The following EPAS1 variants were observed in gnomAD, a reference collection of about 807,000 sequenced individuals.
The protein encoded by EPAS1 is endothelial PAS domain protein 1, also known as endothelial PAS domain-containing protein 1.
Under a neutral mutation model 87.9 loss-of-function variants are expected in EPAS1, and 23 were observed. That is an observed-to-expected ratio of 0.26 (90% CI 0.19 to 0.37). The LOEUF (loss-of-function observed/expected upper bound fraction) is 0.37, where lower values mean the gene tolerates loss of function less well. EPAS1 is among the 10% of genes least tolerant of loss of function. The pLI is 1.00. For synonymous variants in EPAS1, 508 were observed against 444.3 expected (o/e 1.14, Z -1.80); for missense variants, 1,138 against 1,120.7 (o/e 1.02, Z -0.22).
chr2:46,297,916 C>T lies in EPAS1; in HGVS notation c.5C>T (p.Thr2Ile), dbSNP rs2104831352. M[T>I]ADKEKKRSSS... ...TCTCAAAGGGCCACAGCGACAATGA[C>T]AGCTGACAAGGAGAAGAAAAGGTAA... Residue 2 changes from threonine (T) to isoleucine (I), a missense_variant, in exon 1 of 16, where the codon ACA becomes ATA. Thr to Ile is a moderately conservative substitution (Grantham distance 89). Coordinates refer to ENST00000263734, the MANE Select transcript of EPAS1 (RefSeq NM_001430.5). The T allele has an allele frequency of 6.2e-7, 1 of 1,612,448 alleles. No individual in the cohort carries two copies. The highest frequency in any genetic ancestry group is 2.2e-5 in the East Asian group (1 of 44,818).
In EPAS1 at chr2:46,384,731, T is replaced by G. The variant is rs1447183920; in HGVS notation, c.*71T>G. On this transcript the variant is annotated 3_prime_UTR_variant, in exon 16 of 16. Transcript: ENST00000263734. Reference sequence around the variant, plus strand: ...CAGCTTCACTCTCTCCGTCTGTTTTTGCAACTAGGTATTTCTAACGCCAGC... The same window carrying G: ...CAGCTTCACTCTCTCCGTCTGTTTTGGCAACTAGGTATTTCTAACGCCAGC... 1.9e-6 allele frequency: 3 copies of G among 1,569,530 alleles called. No homozygotes were observed. Among genetic ancestry groups the G allele is most frequent in the Non-Finnish European group, 2.6e-6 (3 of 1,158,108 alleles).
At chr2:46,382,827 A>C (rs11690951) in intron 15 of EPAS1, among the ~76,000 whole-genome samples, 2 of 151,660 alleles carry the variant, frequency 1.3e-5, no homozygotes, top group Non-Finnish European at 2.9e-5. Context: ...CAGCTAAAAA[A>C]CTCAAACTCA....
intron 1 of EPAS1, among the ~76,000 whole-genome samples, chr2:46,322,007 TG>T (rs1683463641): frequency 6.6e-6 from 1 of 152,182 alleles, no homozygotes; most frequent in South Asian, 2.1e-4. Flanking sequence ...GGATCTATCC[TG>T]TATAATCCCT....
At chr2:46,333,100 G>A (rs1683720715) in intron 1 of EPAS1, among the ~76,000 whole-genome samples, 1 of 152,136 alleles carries the variant, frequency 6.6e-6, no homozygotes, top group Admixed American at 6.5e-5. Context: ...GAGGAGTCAT[G>A]GGGTGTTAAG....
At chr2:46,377,299 C>T (rs1473147561) in intron 9 of EPAS1, among the ~76,000 whole-genome samples, 2 of 152,198 alleles carry the variant, frequency 1.3e-5, no homozygotes, top group African/African-American at 2.4e-5. Context: ...CTGGGGACCC[C>T]GGCAGGGTTT....
rs1684362201 is a variant in EPAS1, at chr2:46,360,407, C to T, written c.455-231C>T. Among the ~76,000 whole-genome samples, 1 of 152,224 alleles carries T rather than the reference C, an allele frequency of 6.6e-6. No individual in the cohort carries two copies. The highest frequency in any genetic ancestry group is 1.5e-5 in the Non-Finnish European group (1 of 68,038). On this transcript the variant is annotated intron_variant, in intron 4 of 15. Transcript: ENST00000263734. This position sits in a 1 kb window ranked among gnomAD's most constrained non-coding sequence, Gnocchi z 4.5. ...GGGAAATCAAATGATGGAGCAGCTCCTCCCTTGTGGGAGTTTATGCTCCAG... is the reference window on the plus strand; with the variant it reads ...GGGAAATCAAATGATGGAGCAGCTCTTCCCTTGTGGGAGTTTATGCTCCAG...
At position 46,346,011 on chromosome 2, in the gene EPAS1, G is replaced by A. The variant is rs1684016440; in HGVS notation, c.27-862G>A. On this transcript the variant is annotated intron_variant, in intron 1 of 15. Coordinates refer to ENST00000263734, the MANE Select transcript of EPAS1 (RefSeq NM_001430.5). This position sits in a 1 kb window ranked among gnomAD's most constrained non-coding sequence, Gnocchi z 4.0. ...AAGCAGTTTAAATGATTTATTTACAGAGCTAACAAGCAGAGAAGTTAGAAC... is the reference window on the plus strand; with the variant it reads ...AAGCAGTTTAAATGATTTATTTACAAAGCTAACAAGCAGAGAAGTTAGAAC... Among the ~76,000 whole-genome samples, 1 of 152,198 alleles carries A rather than the reference G, an allele frequency of 6.6e-6. No individual in the cohort carries two copies. Among genetic ancestry groups the A allele is most frequent in the African/African-American group, 2.4e-5 (1 of 41,448 alleles).
At chr2:46,320,599 G>C (rs2104848993) in intron 1 of EPAS1, among the ~76,000 whole-genome samples, 1 of 152,324 alleles carries the variant, frequency 6.6e-6, no homozygotes, top group South Asian at 2.1e-4. Context: ...GAACACACTG[G>C]ACAGCCAGAG....
At position 46,380,548 on chromosome 2, in the gene EPAS1, A is replaced by G. The variant is rs773614780; in HGVS notation, c.1876A>G (p.Thr626Ala). 3 of 1,613,814 alleles carry G rather than the reference A, an allele frequency of 1.9e-6. No individual in the cohort carries two copies. In the South Asian group the frequency reaches 3.3e-5, roughly 18 times the overall value. ...GCCACCGTGCTGTGGCCAGGCCAGCACCCCTCTCTCTTCCATGGGGGGCAG... is the reference window on the plus strand; with the variant it reads ...GCCACCGTGCTGTGGCCAGGCCAGCGCCCCTCTCTCTTCCATGGGGGGCAG... ...SLPPCCGQASTPLSSMGGRSN... is the reference protein window; with the variant it reads ...SLPPCCGQASAPLSSMGGRSN... Residue 626 changes from threonine to alanine, a missense_variant, in exon 12 of 16, where the codon ACC becomes GCC. Coordinates refer to ENST00000263734, the MANE Select transcript of EPAS1 (RefSeq NM_001430.5). This position sits in a 1 kb window ranked among gnomAD's most constrained non-coding sequence, Gnocchi z 4.4.
At chr2:46,331,656 C>T (rs1683676261) in intron 1 of EPAS1, among the ~76,000 whole-genome samples, 3 of 152,140 alleles carry the variant, frequency 2.0e-5, no homozygotes, top group African/African-American at 7.2e-5. Context: ...AATAACTAAG[C>T]GGAGAGACAG....
At chr2:46,333,121 A>G (rs987395149) in intron 1 of EPAS1, among the ~76,000 whole-genome samples, 2 of 152,172 alleles carry the variant, frequency 1.3e-5, no homozygotes, top group African/African-American at 2.4e-5. Flanking sequence ...CAACCTAGTG[A>G]TGAATATAGC....
chr2:46,352,915 T>C (rs988965709), intron 2 of EPAS1, among the ~76,000 whole-genome samples: 2 of 152,180 alleles, frequency 1.3e-5, no homozygotes, highest in African/African-American at 2.4e-5. Flanking sequence ...TGGAAGCAAA[T>C]GCACTGGGCA....
intron 1 of EPAS1, among the ~76,000 whole-genome samples, chr2:46,324,032 C>A (rs1683505600): frequency 6.6e-6 from 1 of 152,188 alleles, no homozygotes. Flanking sequence ...GCTGTTTGTG[C>A]AGCTTAAAAG....
At position 46,380,489 on chromosome 2, in the gene EPAS1, C is replaced by G. The variant is rs2103673064; in HGVS notation, c.1817C>G (p.Ser606Cys). 1 of 1,614,204 alleles carries G rather than the reference C, an allele frequency of 6.2e-7. No individual in the cohort carries two copies. Among genetic ancestry groups the G allele is most frequent in the Non-Finnish European group, 8.5e-7 (1 of 1,180,042 alleles). ...GAGCCCGAGCACCGGCCCATGTCCT[C>G]CATCTTCTTTGATGCCGGAAGCAAA... ...KTEPEHRPMS[S>C]IFFDAGSKAS... The change falls in exon 12 of 16, where the codon TCC (serine) becomes TGC (cysteine). Residue 606 changes from serine (S) to cysteine (C), a missense_variant. Ser to Cys is a moderately radical substitution (Grantham distance 112). Coordinates refer to ENST00000263734, the MANE Select transcript of EPAS1 (RefSeq NM_001430.5). This position sits in a 1 kb window ranked among gnomAD's most constrained non-coding sequence, Gnocchi z 4.4.
At chr2:46,301,954 C>T (rs1683009172) in intron 1 of EPAS1, among the ~76,000 whole-genome samples, 1 of 152,020 alleles carries the variant, frequency 6.6e-6, no homozygotes, top group African/African-American at 2.4e-5. Context: ...TTAAACAAAA[C>T]CAATGCAAGG....
At chr2:46,322,062 CCT>C in intron 1 of EPAS1, among the ~76,000 whole-genome samples, 1 of 152,148 alleles carries the variant, frequency 6.6e-6, no homozygotes, top group South Asian at 2.1e-4. Flanking sequence ...GAAATTCTTC[CCT>C]GAGAATAATT....
At chr2:46,306,069 G>A (rs1683104509) in intron 1 of EPAS1, among the ~76,000 whole-genome samples, 1 of 152,222 alleles carries the variant, frequency 6.6e-6, no homozygotes, top group Non-Finnish European at 1.5e-5. Flanking sequence ...AGCTGAATCT[G>A]AGAAAGTTCA....
chr2:46,305,088 C>T (rs1043182398), intron 1 of EPAS1, among the ~76,000 whole-genome samples: 10 of 152,126 alleles, frequency 6.6e-5, no homozygotes, highest in African/African-American at 2.2e-4. Context: ...GCATCACAGT[C>T]GATGTGGTGG....
intron 1 of EPAS1, among the ~76,000 whole-genome samples, chr2:46,334,188 G>T (rs1683743796): frequency 6.6e-6 from 1 of 152,164 alleles, no homozygotes; most frequent in African/African-American, 2.4e-5. Context: ...GAGGAGCATG[G>T]AGGTTGGGTT....
Sources: allele counts gnomAD v4.1 joint callset (sites outside exome capture counted in the v4.1 genomes callset), GRCh38; gene constraint gnomAD v4.1.1; non-coding constraint Gnocchi (gnomAD v3.1); transcripts MANE v1.5; gene names NCBI Gene and HGNC (gene_info 2026-07-23, HGNC 2026-07-21).